GLYATL1: variants seen among roughly 807,000 people sequenced by gnomAD.
The protein encoded by GLYATL1 is glycine N-acyltransferase-like protein 1.
GLYATL1 carries 15 observed loss-of-function variants against 20.0 expected under a neutral mutation model. The observed-to-expected ratio is 0.75, with a 90% confidence interval of 0.50 to 1.15. The LOEUF (loss-of-function observed/expected upper bound fraction) is 1.15. Among genes scored for constraint, GLYATL1 ranks in the 50% most tolerant of loss-of-function variants. GLYATL1 has a pLI of 0.00. For missense variants in GLYATL1, 380 were observed against 368.5 expected (o/e 1.03, Z -0.26); for synonymous variants, 151 against 131.5 (o/e 1.15, Z -1.01).
chr11:58,917,939 T>A (rs1336476034), intron 1 of GLYATL1, among the ~76,000 whole-genome samples: 1 of 152,220 alleles, frequency 6.6e-6, no homozygotes, highest in African/African-American at 2.4e-5. Flanking sequence ...ATAGAAAGCA[T>A]GTTTTGCTCT....
intron 4 of GLYATL1, among the ~76,000 whole-genome samples, chr11:58,950,561 G>A (rs1856922896): frequency 6.6e-6 from 1 of 152,092 alleles, no homozygotes; most frequent in South Asian, 2.1e-4. Context: ...TTTATATCCT[G>A]GAAATTTTTC....
At chr11:58,924,352 G>T (rs1350597156), upstream of GLYATL1, among the ~76,000 whole-genome samples, 1 of 152,176 alleles carries the variant, frequency 6.6e-6, no homozygotes, top group African/African-American at 2.4e-5. Flanking sequence ...TGGAGGTAGG[G>T]TAATCAGACT....
At chr11:58,951,679 G>A (rs1857008379) in intron 4 of GLYATL1, among the ~76,000 whole-genome samples, 1 of 151,910 alleles carries the variant, frequency 6.6e-6, no homozygotes. Flanking sequence ...TGCATTCTAT[G>A]CCATCTGGTA....
upstream of GLYATL1, among the ~76,000 whole-genome samples, chr11:58,936,809 C>T (rs929749659): frequency 6.6e-6 from 1 of 152,230 alleles, no homozygotes; most frequent in Middle Eastern, 3.4e-3. Flanking sequence ...CCTGTGGATC[C>T]GACACCTTCT....
At chr11:58,931,139 A>G (rs992341417) in intron 1 of GLYATL1, among the ~76,000 whole-genome samples, 1 of 152,160 alleles carries the variant, frequency 6.6e-6, no homozygotes, top group Non-Finnish European at 1.5e-5. Flanking sequence ...CAGAGTTGGA[A>G]CCTGTTGGTG....
At chr11:58,953,215 T>TTCAGGA (rs1857121300) in intron 4 of GLYATL1, among the ~76,000 whole-genome samples, 1 of 152,218 alleles carries the variant, frequency 6.6e-6, no homozygotes, top group Admixed American at 6.5e-5. Flanking sequence ...TTTCTATTAG[T>TTCAGGA]TTGTTCAGGA....
upstream of GLYATL1, chr11:58,935,565 A>C (rs1204336591): frequency 6.6e-6 from 1 of 152,078 alleles, no homozygotes; most frequent in Non-Finnish European, 1.5e-5. Flanking sequence ...GTTTAAATTG[A>C]TGTTTCTGTG....
chr11:58,922,764 G>A (rs1486694109), upstream of GLYATL1, among the ~76,000 whole-genome samples: 2 of 152,150 alleles, frequency 1.3e-5, no homozygotes, highest in African/African-American at 2.4e-5. Context: ...GCATTTTACA[G>A]TATGCTGCCA....
intron 1 of GLYATL1, among the ~76,000 whole-genome samples, chr11:58,941,351 C>T (rs914648759): frequency 6.6e-6 from 1 of 151,958 alleles, no homozygotes; most frequent in African/African-American, 2.4e-5. Flanking sequence ...TCATCCATGT[C>T]CCTACAAAGG....
At chr11:58,952,792 A>C (rs1023321409) in intron 4 of GLYATL1, among the ~76,000 whole-genome samples, 1 of 152,170 alleles carries the variant, frequency 6.6e-6, no homozygotes, top group Non-Finnish European at 1.5e-5. Flanking sequence ...CCCAGTTATG[A>C]GTGAGAGCAT....
chr11:58,910,356 A>C (rs1162341749), downstream of GLYATL1, among the ~76,000 whole-genome samples: 1 of 152,196 alleles, frequency 6.6e-6, no homozygotes, highest in African/African-American at 2.4e-5. Flanking sequence ...AATATTAATG[A>C]TAAAATGCCT....
intron 1 of GLYATL1, among the ~76,000 whole-genome samples, chr11:58,940,452 G>A (rs1226254664): frequency 6.6e-6 from 1 of 152,126 alleles, no homozygotes; most frequent in Admixed American, 6.5e-5. Context: ...GTGTCTTTGG[G>A]TGTATGTATG....
At chr11:58,951,553 C>G (rs531497) in intron 4 of GLYATL1, among the ~76,000 whole-genome samples, 5,647 of 152,062 alleles carry the variant, frequency 0.037, 329 homozygotes, top group African/African-American at 0.12. Context: ...AATAACTATT[C>G]GAGTTGTGAT....
At chr11:58,950,500 ACTT>A (rs1451760198) in intron 4 of GLYATL1, among the ~76,000 whole-genome samples, 2 of 152,190 alleles carry the variant, frequency 1.3e-5, no homozygotes, top group East Asian at 1.9e-4. Context: ...AACTGTTCAT[ACTT>A]CTTTGCCACT....
At chr11:58,933,448 A>C (rs1453118858) in intron 1 of GLYATL1, among the ~76,000 whole-genome samples, 1 of 152,196 alleles carries the variant, frequency 6.6e-6, no homozygotes, top group African/African-American at 2.4e-5. Context: ...GATTAGATCC[A>C]ATACTTCAGG....
At chr11:58,906,841 G>A (rs544542124) in intron 1 of GLYATL1, among the ~76,000 whole-genome samples, 4 of 152,124 alleles carry the variant, frequency 2.6e-5, no homozygotes, top group Non-Finnish European at 4.4e-5. Flanking sequence ...CCACATAGAC[G>A]GTTGTTTAAA....
At chr11:58,921,462 A>G (rs1259666871) in intron 1 of GLYATL1, among the ~76,000 whole-genome samples, 2 of 152,160 alleles carry the variant, frequency 1.3e-5, no homozygotes, top group East Asian at 3.9e-4. Context: ...TGATCAGGTC[A>G]GTGTCTGGTT....
chr11:58,916,811 A>G (rs994037289), intron 1 of GLYATL1, among the ~76,000 whole-genome samples: 2 of 152,266 alleles, frequency 1.3e-5, no homozygotes, highest in African/African-American at 4.8e-5. Context: ...CAATGTAAGC[A>G]TAGATTTATT....
chr11:58,943,195 C>A, intron 1 of GLYATL1: 2 of 1,354,446 alleles, frequency 1.5e-6, no homozygotes, highest in South Asian at 1.6e-5. Flanking sequence ...GTAGCTTAAT[C>A]ATCAGACAAA....
Sources: allele counts gnomAD v4.1 joint callset (sites outside exome capture counted in the v4.1 genomes callset), GRCh38; gene constraint gnomAD v4.1.1; transcripts MANE v1.5; gene names NCBI Gene and HGNC (gene_info 2026-07-23, HGNC 2026-07-21).